The following PIP5K1B variants were observed in gnomAD, a reference collection of about 807,000 sequenced individuals.
PIP5K1B encodes the protein phosphatidylinositol 4-phosphate 5-kinase type-1 beta.
In PIP5K1B, 42 loss-of-function variants were observed where a neutral mutation model predicts 67.0. The observed-to-expected ratio is 0.63, with a 90% CI of 0.49 to 0.81. The LOEUF (loss-of-function observed/expected upper bound fraction) is 0.81, where lower values mean the gene tolerates loss of function less well. PIP5K1B is among the 30% of genes least tolerant of loss of function. The pLI is 0.00. For missense variants in PIP5K1B, 459 were observed against 646.3 expected, an observed-to-expected ratio of 0.71 and a Z score of 3.14; for synonymous variants, 214 against 231.4, an observed-to-expected ratio of 0.92 and a Z score of 0.68.
chr9:68,869,052 G>A (rs1823497085), intron 5 of PIP5K1B, among the ~76,000 whole-genome samples: 1 of 152,128 alleles, frequency 6.6e-6, no homozygotes, highest in Non-Finnish European at 1.5e-5. Context: ...ATCACTCAAT[G>A]TTACAGGTTT....
intron 5 of PIP5K1B, among the ~76,000 whole-genome samples, 181 bp from the exon 6 acceptor site, chr9:68,876,496 C>T (rs756558429): frequency 1.3e-5 from 2 of 152,160 alleles, no homozygotes; most frequent in Non-Finnish European, 1.5e-5. Context: ...CACTAACTAA[C>T]GTCTTATTCT....
chr9:68,853,834 A>G (rs1390383507), intron 4 of PIP5K1B, among the ~76,000 whole-genome samples: 2 of 152,200 alleles, frequency 1.3e-5, no homozygotes, highest in South Asian at 2.1e-4. Flanking sequence ...ATACCTGGAC[A>G]GCCTTTTCAG....
At chr9:68,768,994 C>T (rs766718527) in intron 2 of PIP5K1B, among the ~76,000 whole-genome samples, 3 of 152,164 alleles carry the variant, frequency 2.0e-5, no homozygotes, top group Non-Finnish European at 4.4e-5. Context: ...TCGTAGTCGC[C>T]CTGTTGGGAA....
intron 15 of PIP5K1B, among the ~76,000 whole-genome samples, chr9:69,003,070 A>G (rs1159198198): frequency 2.6e-5 from 4 of 152,028 alleles, no homozygotes; most frequent in Non-Finnish European, 4.4e-5. Context: ...AGCCAAGGAG[A>G]TGATGTTGGG....
At chr9:68,948,975 A>G (rs1392226674) in intron 14 of PIP5K1B, among the ~76,000 whole-genome samples, 1 of 152,204 alleles carries the variant, frequency 6.6e-6, no homozygotes, top group Non-Finnish European at 1.5e-5. Context: ...TTCATGTGAG[A>G]TAATATTTCT....
rs202010553 is a variant in PIP5K1B at position 68,920,767 on chromosome 9, C to CTT, written c.1116+1039_1116+1040insTT. On this transcript the variant is annotated intron_variant, in intron 11 of 15. Coordinates refer to ENST00000265382, the MANE Select transcript of PIP5K1B (RefSeq NM_003558.4). ...CTTCTTTCTCCCATTCCGTCTCTGT[C>CTT]TCTCTGTCTCTCTCTCTCACACACA... 4.0e-3 allele frequency among the ~76,000 whole-genome samples: 601 copies of CTT among 148,838 alleles called. 2 individuals carry two copies. Among genetic ancestry groups the CTT allele is most frequent in the Non-Finnish European group, 6.5e-3 (441 of 67,438 alleles).
chr9:68,967,580 A>G (rs1000762700), intron 14 of PIP5K1B, among the ~76,000 whole-genome samples: 2 of 152,322 alleles, frequency 1.3e-5, no homozygotes, highest in East Asian at 1.9e-4. Context: ...AGAGGATTCA[A>G]CCATTCATTG....
At chr9:68,909,283 TTTTGTTTG>T (rs76189159) in intron 8 of PIP5K1B, among the ~76,000 whole-genome samples, 6 of 151,932 alleles carry the variant, frequency 3.9e-5, no homozygotes, top group African/African-American at 1.4e-4. Context: ...ATCTAGGTTT[TTTTGTTTG>T]TTTGTTTGTT....
At chr9:68,995,735 G>A (rs893894253) in intron 15 of PIP5K1B, among the ~76,000 whole-genome samples, 2 of 151,028 alleles carry the variant, frequency 1.3e-5, no homozygotes, top group Admixed American at 6.6e-5. Flanking sequence ...AACCCAGGAG[G>A]CAGAGGTTGC....
intron 14 of PIP5K1B, among the ~76,000 whole-genome samples, chr9:68,971,822 A>G (rs986242854): frequency 6.6e-6 from 1 of 152,054 alleles, no homozygotes; most frequent in African/African-American, 2.4e-5. Flanking sequence ...TCCTTTGCCC[A>G]CTTTTTGATG....
At chr9:68,784,715 C>G (rs1831514442) in intron 2 of PIP5K1B, 1 of 157,982 alleles carries the variant, frequency 6.3e-6, no homozygotes, top group Admixed American at 6.6e-5. Context: ...GACAATTGAA[C>G]CAAGAAGATG....
chr9:68,919,442 A>G (rs367785142), intron 9 of PIP5K1B, 37 bp from the exon 10 acceptor site: 5 of 978,252 alleles, frequency 5.1e-6, no homozygotes, highest in Non-Finnish European at 7.9e-6. Context: ...TTCTTATAAT[A>G]TGTAATCAAA....
intron 8 of PIP5K1B, among the ~76,000 whole-genome samples, chr9:68,916,545 A>C (rs1336000915): frequency 6.6e-6 from 1 of 152,118 alleles, no homozygotes; most frequent in South Asian, 2.1e-4. Context: ...TTTTTAAAGG[A>C]CTTGCTACAG....
rs554812397 is a variant in PIP5K1B, at chr9:68,993,775, T to A, written c.1620+2518T>A. Reference sequence around the variant, plus strand: ...GGATTCATGCCACTTTCATGTGTCTTTACAAAAACTAGATTTTCACCAGTC... The same window carrying A: ...GGATTCATGCCACTTTCATGTGTCTATACAAAAACTAGATTTTCACCAGTC... On this transcript the variant is annotated intron_variant, in intron 15 of 15. Transcript: ENST00000265382. 9.8e-5 allele frequency among the ~76,000 whole-genome samples: 15 copies of A among 152,306 alleles called. No individual in the cohort carries two copies. The South Asian group carries it at 2.5e-3, about 25-fold the overall frequency.
At chr9:68,832,580 A>G (rs941105922) in intron 4 of PIP5K1B, among the ~76,000 whole-genome samples, 2 of 152,128 alleles carry the variant, frequency 1.3e-5, no homozygotes, top group African/African-American at 4.8e-5. Flanking sequence ...ACCCTTCAAC[A>G]TATCATTAAG....
intron 1 of PIP5K1B, among the ~76,000 whole-genome samples, chr9:68,728,073 G>C (rs192923858): frequency 5.3e-5 from 8 of 152,326 alleles, no homozygotes; most frequent in Admixed American, 4.6e-4. Flanking sequence ...TAGAATGATG[G>C]TAGTGGTGGT....
chr9:68,727,320 A>G (rs1350222598), intron 1 of PIP5K1B, among the ~76,000 whole-genome samples: 1 of 152,170 alleles, frequency 6.6e-6, no homozygotes, highest in Non-Finnish European at 1.5e-5. Context: ...GCAAGAGTTG[A>G]TCACTCTCAC....
At chr9:68,955,556 C>T (rs1046418092) in intron 14 of PIP5K1B, among the ~76,000 whole-genome samples, 4 of 152,290 alleles carry the variant, frequency 2.6e-5, no homozygotes, top group Admixed American at 2.0e-4. Context: ...CCTCTCAGTG[C>T]GATCTCTGGA....
chr9:68,790,945 G>T (rs1831932296), intron 2 of PIP5K1B, among the ~76,000 whole-genome samples: 1 of 152,182 alleles, frequency 6.6e-6, no homozygotes, highest in African/African-American at 2.4e-5. Context: ...TCGGGGAGAT[G>T]TAAAAAATAC....
Sources: gnomAD v4.1 joint callset for allele counts (sites outside exome capture counted in the v4.1 genomes callset) on GRCh38, gnomAD v4.1.1 for gene constraint, MANE v1.5 for transcripts, NCBI Gene and HGNC (gene_info 2026-07-23, HGNC 2026-07-21) for gene names.